The following LRRTM4 variants were observed in gnomAD, a reference collection of about 807,000 sequenced individuals.
LRRTM4 encodes leucine rich repeat transmembrane neuronal 4.
Under a neutral mutation model 47.6 loss-of-function variants are expected in LRRTM4, and 25 were observed. That is an observed-to-expected ratio of 0.53 (90% confidence interval 0.38 to 0.73). The LOEUF is 0.73. Ranked by LOEUF, LRRTM4 falls within the 30% of genes least tolerant of loss-of-function variation. The pLI is 0.00. For synonymous variants in LRRTM4, 311 were observed against 269.5 expected, an observed-to-expected ratio of 1.15 and a Z score of -1.51; for missense variants, 638 against 713.4, an observed-to-expected ratio of 0.89 and a Z score of 1.20.
intron 3 of LRRTM4, among the ~76,000 whole-genome samples, chr2:76,822,811 T>A (rs1447129705): frequency 2.6e-5 from 4 of 151,484 alleles, no homozygotes; most frequent in Admixed American, 2.0e-4. Context: ...TATTTATTTA[T>A]TTATTATTAC....
chr2:77,199,463 C>T (rs143917639), intron 3 of LRRTM4, among the ~76,000 whole-genome samples: 152 of 152,116 alleles, frequency 1.0e-3, no homozygotes, highest in African/African-American at 3.6e-3. Context: ...TCTATCTTCC[C>T]TTAAAGGTTC....
intron 3 of LRRTM4, among the ~76,000 whole-genome samples, chr2:76,881,221 T>A (rs1468881360): frequency 6.6e-6 from 1 of 152,182 alleles, no homozygotes; most frequent in African/African-American, 2.4e-5. Flanking sequence ...GTGTCAAATT[T>A]TAAAAGTATC....
At chr2:77,192,014 C>T (rs1019861691) in intron 3 of LRRTM4, among the ~76,000 whole-genome samples, 1 of 151,904 alleles carries the variant, frequency 6.6e-6, no homozygotes, top group Non-Finnish European at 1.5e-5. Context: ...CATAGTATAC[C>T]TCCCACCCAC....
intron 3 of LRRTM4, among the ~76,000 whole-genome samples, chr2:77,003,163 T>A (rs991110598): frequency 7.1e-6 from 1 of 140,710 alleles, no homozygotes; most frequent in African/African-American, 2.9e-5. Context: ...AACTTCAGCT[T>A]TTTATGTTCT....
intron 3 of LRRTM4, among the ~76,000 whole-genome samples, chr2:77,321,599 G>GCAAAAAC (rs1677794042): frequency 6.9e-6 from 1 of 145,300 alleles, no homozygotes; most frequent in East Asian, 2.1e-4. Flanking sequence ...AAAGAAAAAA[G>GCAAAAAC]AAATGAATTG....
At chr2:76,925,792 G>GT (rs1273347263) in intron 3 of LRRTM4, among the ~76,000 whole-genome samples, 1 of 152,064 alleles carries the variant, frequency 6.6e-6, no homozygotes, top group Non-Finnish European at 1.5e-5. Context: ...TGGCAAAGTG[G>GT]TTTTTTAGGA....
intron 3 of LRRTM4, among the ~76,000 whole-genome samples, chr2:77,328,341 T>G (rs1370745301): frequency 6.6e-6 from 1 of 152,126 alleles, no homozygotes; most frequent in East Asian, 1.9e-4. Context: ...TTGCCAGCTT[T>G]GGATGTGATT....
chr2:76,782,638 G>T (rs1298672863), intron 3 of LRRTM4, among the ~76,000 whole-genome samples: 1 of 151,990 alleles, frequency 6.6e-6, no homozygotes, highest in African/African-American at 2.4e-5. Context: ...ACGGGTCTGT[G>T]CTTTTTTGCT....
chr2:77,111,431 A>T (rs1475576685), intron 3 of LRRTM4, among the ~76,000 whole-genome samples: 1 of 151,880 alleles, frequency 6.6e-6, no homozygotes, highest in Non-Finnish European at 1.5e-5. Context: ...CTGGCCAATA[A>T]TTCCCTCTTA....
At chr2:77,095,336 T>C (rs1377865705) in intron 3 of LRRTM4, among the ~76,000 whole-genome samples, 1 of 152,138 alleles carries the variant, frequency 6.6e-6, no homozygotes, top group African/African-American at 2.4e-5. Context: ...TTGTGGAATA[T>C]GGTATGCAGG....
chr2:77,488,483 A>C (rs1485319259), intron 3 of LRRTM4, among the ~76,000 whole-genome samples: 1 of 152,180 alleles, frequency 6.6e-6, no homozygotes, highest in African/African-American at 2.4e-5. Context: ...GGGTGGAATG[A>C]AGCCAGTGGG....
chr2:76,771,606 T>C (rs1673708813), intron 3 of LRRTM4, among the ~76,000 whole-genome samples: 1 of 141,938 alleles, frequency 7.0e-6, no homozygotes, highest in Non-Finnish European at 1.5e-5. Flanking sequence ...GCAAGAAGAC[T>C]GCGTGCTGTA....
intron 3 of LRRTM4, among the ~76,000 whole-genome samples, chr2:77,438,715 A>T (rs1381462359): frequency 6.6e-6 from 1 of 152,044 alleles, no homozygotes; most frequent in Admixed American, 6.6e-5. Context: ...GGATAATGAT[A>T]ATTTTAAAAA....
chr2:77,069,857 T>C (rs1349156141), intron 3 of LRRTM4, among the ~76,000 whole-genome samples: 1 of 152,206 alleles, frequency 6.6e-6, no homozygotes, highest in Non-Finnish European at 1.5e-5. Context: ...TTAGTTATTC[T>C]TTGCCCAGCT....
chr2:76,897,486 A>G (rs1453439963), intron 3 of LRRTM4, among the ~76,000 whole-genome samples: 1 of 152,144 alleles, frequency 6.6e-6, no homozygotes, highest in Non-Finnish European at 1.5e-5. Context: ...ATATAAGTGT[A>G]TAATGTTATG....
intron 3 of LRRTM4, among the ~76,000 whole-genome samples, chr2:76,909,641 T>C (rs1367149447): frequency 6.6e-6 from 1 of 151,756 alleles, no homozygotes; most frequent in Non-Finnish European, 1.5e-5. Flanking sequence ...CTCAAACAAA[T>C]TTACAAGAAA....
chr2:77,189,384 A>G (rs1673600494), intron 3 of LRRTM4, among the ~76,000 whole-genome samples: 1 of 152,132 alleles, frequency 6.6e-6, no homozygotes, highest in Non-Finnish European at 1.5e-5. Flanking sequence ...AGCCCTTGTT[A>G]TGGACTAAAG....
chr2:77,028,818 G>T (rs920511988), intron 3 of LRRTM4, among the ~76,000 whole-genome samples: 2 of 151,644 alleles, frequency 1.3e-5, no homozygotes, highest in Admixed American at 6.6e-5. Flanking sequence ...GGCAAATCAT[G>T]AGGTCAGGAG....
intron 3 of LRRTM4, among the ~76,000 whole-genome samples, chr2:76,992,421 C>A (rs10183642): frequency 0.5 from 76,341 of 151,388 alleles, 19,947 homozygotes; most frequent in African/African-American, 0.64. Flanking sequence ...ATTGATAAAC[C>A]ATTTTATTAA....
Sources: allele counts gnomAD v4.1 joint callset (sites outside exome capture counted in the v4.1 genomes callset), GRCh38; gene constraint gnomAD v4.1.1; transcripts MANE v1.5; gene names NCBI Gene and HGNC (gene_info 2026-07-23, HGNC 2026-07-21).